Variants in BMAL2 observed in about 807,000 individuals in gnomAD.
The protein encoded by BMAL2 is basic helix-loop-helix ARNT-like protein 2.
At chr12:27,344,543 A>G in the BMAL2 span, among the ~76,000 whole-genome samples, 5 of 152,184 alleles carry the variant, frequency 3.3e-5, no homozygotes, top group African/African-American at 1.2e-4. Flanking sequence ...TCCAGCACAG[A>G]CGGACCCTGC....
At chr12:27,353,414 C>T in the BMAL2 span, among the ~76,000 whole-genome samples, 422 of 152,234 alleles carry the variant, frequency 2.8e-3, no homozygotes, top group Admixed American at 4.3e-3. Flanking sequence ...TCACCATATA[C>T]AAAAATCAAC....
the BMAL2 span, among the ~76,000 whole-genome samples, chr12:27,382,936 T>C: frequency 6.6e-6 from 1 of 152,232 alleles, no homozygotes; most frequent in African/African-American, 2.4e-5. Flanking sequence ...CACAGCAATG[T>C]TATGTTTTTA....
chr12:27,414,358 T>G, the BMAL2 span, among the ~76,000 whole-genome samples: 4 of 152,166 alleles, frequency 2.6e-5, no homozygotes, highest in African/African-American at 9.7e-5. Flanking sequence ...ACACGTTCTT[T>G]TCAAGTGCAC....
the BMAL2 span, among the ~76,000 whole-genome samples, chr12:27,379,622 C>T: frequency 3.3e-5 from 5 of 151,990 alleles, no homozygotes; most frequent in Non-Finnish European, 5.9e-5. Context: ...AGCAAGAGAT[C>T]GCAAGAGAGA....
the BMAL2 span, among the ~76,000 whole-genome samples, chr12:27,387,823 C>A: frequency 5.9e-5 from 9 of 152,152 alleles, no homozygotes; most frequent in Non-Finnish European, 1.3e-4. Flanking sequence ...ACTAGCTACT[C>A]AAAAATTATA....
chr12:27,337,557 A>T, the BMAL2 span, among the ~76,000 whole-genome samples: 1 of 152,102 alleles, frequency 6.6e-6, no homozygotes, highest in Non-Finnish European at 1.5e-5. Flanking sequence ...CTCCCTCTAG[A>T]TGGGTCTGGA....
At chr12:27,343,918 C>T in the BMAL2 span, among the ~76,000 whole-genome samples, 2 of 152,176 alleles carry the variant, frequency 1.3e-5, no homozygotes, top group Non-Finnish European at 2.9e-5. Flanking sequence ...ATGAGTGTTT[C>T]TCCTCCCTCT....
the BMAL2 span, among the ~76,000 whole-genome samples, chr12:27,342,462 C>G: frequency 2.6e-5 from 4 of 152,324 alleles, no homozygotes; most frequent in East Asian, 7.7e-4. Context: ...TAGATTGAAT[C>G]TATACCATCC....
At chr12:27,416,166 T>TG in the BMAL2 span, among the ~76,000 whole-genome samples, 1 of 152,198 alleles carries the variant, frequency 6.6e-6, no homozygotes, top group Non-Finnish European at 1.5e-5. Context: ...CTTACTGGGA[T>TG]GTAACCTCAG....
the BMAL2 span, among the ~76,000 whole-genome samples, chr12:27,344,598 T>A: frequency 1.3e-5 from 2 of 152,220 alleles, no homozygotes; most frequent in East Asian, 3.9e-4. Context: ...GACTCCGCTC[T>A]GCTTTTAAGA....
chr12:27,389,329 A>G, the BMAL2 span: 4 of 1,393,564 alleles, frequency 2.9e-6, no homozygotes, highest in African/African-American at 5.7e-5. Flanking sequence ...TTATTATTTT[A>G]TGTAAATGTA....
chr12:27,405,219 A>T, the BMAL2 span, among the ~76,000 whole-genome samples: 1 of 152,318 alleles, frequency 6.6e-6, no homozygotes, highest in African/African-American at 2.4e-5. Flanking sequence ...GCAGACTTAA[A>T]TGTCCCTGTC....
At chr12:27,337,848 C>T in the BMAL2 span, among the ~76,000 whole-genome samples, 4 of 152,186 alleles carry the variant, frequency 2.6e-5, no homozygotes, top group Admixed American at 6.5e-5. Context: ...GTTTAATGAA[C>T]TCTGACCTTC....
At chr12:27,393,265 AG>A in the BMAL2 span, among the ~76,000 whole-genome samples, 1 of 152,336 alleles carries the variant, frequency 6.6e-6, no homozygotes, top group African/African-American at 2.4e-5. Flanking sequence ...CCTGATATTC[AG>A]GAGAATTTAG....
chr12:27,361,451 T>G, the BMAL2 span, among the ~76,000 whole-genome samples: 1 of 152,230 alleles, frequency 6.6e-6, no homozygotes, highest in East Asian at 1.9e-4. Context: ...TGTATTATTT[T>G]ATTGAGTGTT....
the BMAL2 span, among the ~76,000 whole-genome samples, chr12:27,354,409 G>A: frequency 1.3e-5 from 2 of 152,090 alleles, no homozygotes; most frequent in African/African-American, 4.8e-5. Flanking sequence ...AGACATCGGG[G>A]CCTACTTGAA....
the BMAL2 span, among the ~76,000 whole-genome samples, chr12:27,380,918 G>A: frequency 1.3e-5 from 2 of 151,970 alleles, no homozygotes; most frequent in African/African-American, 4.8e-5. Flanking sequence ...CCTGGGAGGT[G>A]GAGGTTGCAG....
the BMAL2 span, among the ~76,000 whole-genome samples, chr12:27,343,385 G>A: frequency 3.3e-5 from 5 of 152,180 alleles, no homozygotes; most frequent in African/African-American, 7.2e-5. Context: ...TAAACGGAAG[G>A]TGTCTCATCT....
chr12:27,395,802 A>G, the BMAL2 span, among the ~76,000 whole-genome samples: 1 of 152,354 alleles, frequency 6.6e-6, no homozygotes, highest in South Asian at 2.1e-4. Context: ...CTAAAGGAAC[A>G]AATACATTTT....
Sources: allele counts gnomAD v4.1 joint callset (sites outside exome capture counted in the v4.1 genomes callset), GRCh38; gene constraint gnomAD v4.1.1; transcripts MANE v1.5; gene names NCBI Gene and HGNC (gene_info 2026-07-23, HGNC 2026-07-21).